ATP2B2: variants seen among roughly 807,000 people sequenced by gnomAD.
ATP2B2 encodes plasma membrane calcium-transporting ATPase 2.
ATP2B2 carries 15 observed loss-of-function variants against 120.0 expected under a neutral mutation model. The observed-to-expected ratio is 0.12, with a 90% confidence interval of 0.08 to 0.19. ATP2B2 has a LOEUF of 0.19. Among genes scored for constraint, ATP2B2 ranks in the 10% least tolerant of loss-of-function variants. ATP2B2 has a pLI of 1.00. For synonymous variants in ATP2B2, 694 were observed against 700.3 expected (o/e 0.99, Z 0.14); for missense variants, 1,045 against 1,719.8 (o/e 0.61, Z 6.94).
In ATP2B2 at chr3:10,346,079, C is replaced by T; in HGVS notation, c.2463G>A (p.Gly821=). The part of the protein sequence containing the change: ...QRQVVAVTGD[G]TNDGPALKKA... ...TCTTGAGTGCAGGCCCGTCGTTGGTCCCGTCCCCCGTCACGGCCACCACCT... is the reference window on the plus strand; with the variant it reads ...TCTTGAGTGCAGGCCCGTCGTTGGTTCCGTCCCCCGTCACGGCCACCACCT... The change falls in exon 17 of 23, where the codon GGG becomes GGA. Residue 821 remains glycine (G), a synonymous_variant. Transcript: ENST00000360273. The surrounding 1 kb of genome is among the most constrained non-coding windows in gnomAD (Gnocchi z 4.1). 1 of 1,612,326 alleles carries T rather than the reference C, an allele frequency of 6.2e-7. No homozygotes were observed.
intron 2 of ATP2B2, among the ~76,000 whole-genome samples, chr3:10,589,821 C>A (rs1216017363): frequency 6.6e-6 from 1 of 152,220 alleles, no homozygotes; most frequent in African/African-American, 2.4e-5. Flanking sequence ...GAGCTCTCAT[C>A]TGCTGCTGGT....
intron 5 of ATP2B2, among the ~76,000 whole-genome samples, chr3:10,398,585 C>T (rs982395269): frequency 6.6e-6 from 1 of 152,252 alleles, no homozygotes; most frequent in African/African-American, 2.4e-5. Context: ...TGTCTGTCCC[C>T]AGTCCCCTTG....
chr3:10,340,221 T>C lies in ATP2B2; in HGVS notation c.3237+21A>G, dbSNP rs943885154. The C allele has an allele frequency of 1.9e-6, 3 of 1,612,030 alleles. No homozygotes were observed. The African/African-American group carries it at 4.0e-5, about 22-fold the overall frequency. ...CCTTGCCCTGCTAACAGGCACCTCC[T>C]GCGACCTACCAGGAACTTACCTGGC... On this transcript the variant is annotated intron_variant, in intron 21 of 22. Transcript: ENST00000360273. This position sits in a 1 kb window ranked among gnomAD's most constrained non-coding sequence, Gnocchi z 5.0.
intron 1 of ATP2B2, among the ~76,000 whole-genome samples, chr3:10,671,578 T>C (rs2071098089): frequency 6.6e-6 from 1 of 152,126 alleles, no homozygotes; most frequent in South Asian, 2.1e-4. Context: ...TTATGGAAAG[T>C]CCCCAGGTGA....
At chr3:10,550,304 A>C (rs1465300213) in intron 2 of ATP2B2, among the ~76,000 whole-genome samples, 1 of 152,234 alleles carries the variant, frequency 6.6e-6, no homozygotes, top group Non-Finnish European at 1.5e-5. Context: ...TTTCCTGAAG[A>C]TCAGGACCAT....
chr3:10,649,447 C>T (rs146067977), intron 1 of ATP2B2, among the ~76,000 whole-genome samples: 36 of 152,346 alleles, frequency 2.4e-4, no homozygotes, highest in Middle Eastern at 3.4e-3. Flanking sequence ...TTATGTCATC[C>T]TTCTGCCAAT....
chr3:10,449,774 G>T lies in ATP2B2; in HGVS notation c.-231C>A, dbSNP rs2063969129. The T allele has an allele frequency of 3.3e-6, 2 of 601,950 alleles. No individual in the cohort carries two copies. The highest frequency in any genetic ancestry group is 3.7e-5 in the African/African-American group (2 of 54,332). 37.3% of individuals were successfully genotyped at this position (601,950 alleles called of 1,614,324 possible). ...GGGACGAGGTCCAGGGGCCGGAGGGGCTCAGGGCTGTAGACCCAGGAGTCT... is the reference window on the plus strand; with the variant it reads ...GGGACGAGGTCCAGGGGCCGGAGGGTCTCAGGGCTGTAGACCCAGGAGTCT... On this transcript the variant is annotated 5_prime_UTR_variant, in exon 2 of 23. Transcript: ENST00000360273.
At chr3:10,516,962 A>ATGTGTGTGTGTG (rs112098821) in intron 3 of ATP2B2, among the ~76,000 whole-genome samples, 18 of 149,818 alleles carry the variant, frequency 1.2e-4, no homozygotes, top group African/African-American at 3.2e-4. Context: ...CAATTTTCAG[A>ATGTGTGTGTGTG]TGTGTGTGTG....
chr3:10,399,191 CTCTG>C (rs2062140948), intron 5 of ATP2B2, among the ~76,000 whole-genome samples: 1 of 152,344 alleles, frequency 6.6e-6, no homozygotes, highest in African/African-American at 2.4e-5. Context: ...CCCAAGGATG[CTCTG>C]TCTGTCAACC....
chr3:10,606,928 GAGAGAGAGAGGGAGAGGGAGAGGGGGA>G (rs1271864518), intron 2 of ATP2B2, among the ~76,000 whole-genome samples: 1,083 of 71,494 alleles, frequency 0.015, 12 homozygotes, highest in Middle Eastern at 0.072. Context: ...GAGAGAGAGA[GAGAGAGAGAGGGAGAGGGAGAGGGGGA>G]GGGGGGGAGA....
At chr3:10,483,147 G>A (rs372923103) in intron 1 of ATP2B2, among the ~76,000 whole-genome samples, 32 of 152,266 alleles carry the variant, frequency 2.1e-4, no homozygotes, top group Admixed American at 1.8e-3. Context: ...GGGTAATGTC[G>A]GGGCCGACAA....
rs765738283 is a variant in ATP2B2, at chr3:10,378,323, C to T, written c.1130G>A (p.Ser377Asn). ...CACGGACTTCTCCTTCTTGTGCATG[C>T]TGGCCTTCTTCCTGTCGTCAGCGTC... Reference protein sequence around the residue: ...GGDADDRKKASMHKKEKSVLQ... With the variant: ...GGDADDRKKANMHKKEKSVLQ... Residue 377 changes from serine to asparagine, a missense_variant, in exon 10 of 23, where the codon AGC becomes AAC. Around this residue, in one of 11 missense-constraint regions of ATP2B2, gnomAD observed 145 missense variants for 202.0 expected, o/e 0.72. Transcript: ENST00000360273. The T allele has an allele frequency of 6.2e-7, 1 of 1,609,656 alleles. No homozygotes were observed. The highest frequency in any genetic ancestry group is 1.7e-5 in the Admixed American group (1 of 60,038).
At chr3:10,474,280 G>A (rs926903385) in intron 1 of ATP2B2, among the ~76,000 whole-genome samples, 1 of 152,168 alleles carries the variant, frequency 6.6e-6, no homozygotes, top group Non-Finnish European at 1.5e-5. Flanking sequence ...GAAGAATCCT[G>A]TTTTGGACTT....
At chr3:10,492,206 C>T (rs1173742639) in intron 1 of ATP2B2, among the ~76,000 whole-genome samples, 1 of 151,766 alleles carries the variant, frequency 6.6e-6, no homozygotes, top group African/African-American at 2.4e-5. Flanking sequence ...TTGCTGGCTT[C>T]TCCGGGGTGC....
chr3:10,394,894 C>A (rs576302999), intron 5 of ATP2B2, among the ~76,000 whole-genome samples: 86 of 152,198 alleles, frequency 5.7e-4, no homozygotes, highest in African/African-American at 2.0e-3. Context: ...CTTCCACTGC[C>A]ACATTGATGG....
At chr3:10,673,248 C>T (rs2071158362) in intron 1 of ATP2B2, among the ~76,000 whole-genome samples, 1 of 152,180 alleles carries the variant, frequency 6.6e-6, no homozygotes, top group Non-Finnish European at 1.5e-5. Flanking sequence ...GAGCTGGAAC[C>T]TGACATCCAA....
At chr3:10,334,247 G>A (rs2125338985) in intron 22 of ATP2B2, among the ~76,000 whole-genome samples, 1 of 152,328 alleles carries the variant, frequency 6.6e-6, no homozygotes, top group Non-Finnish European at 1.5e-5. Flanking sequence ...ACAAAGAACT[G>A]GGCCTTCACC....
At chr3:10,626,451 C>T (rs1021051528) in intron 1 of ATP2B2, 2 of 152,196 alleles carry the variant, frequency 1.3e-5, no homozygotes, top group African/African-American at 4.8e-5. Flanking sequence ...CTCTACCCCA[C>T]AGAGCCAGTC....
At position 10,457,943 on chromosome 3, in the gene ATP2B2, A is replaced by G. The variant is rs548652997; in HGVS notation, c.-319-8081T>C. ...CTCACCCTCACGCCTGGCCTGAGGA[A>G]GGGGAGGTCCAGCCCTTACCTTCCT... is the stretch of plus-strand genomic sequence containing the variant. On this transcript the variant is annotated intron_variant, in intron 1 of 22. Transcript: ENST00000360273. Among the ~76,000 whole-genome samples, 46 of 152,264 alleles carry G rather than the reference A, an allele frequency of 3.0e-4. 1 individual carries two copies. Among genetic ancestry groups the G allele is most frequent in the Non-Finnish European group, 3.2e-4 (22 of 68,000 alleles).
Sources: allele counts gnomAD v4.1 joint callset (sites outside exome capture counted in the v4.1 genomes callset), GRCh38; gene constraint gnomAD v4.1.1; regional missense constraint gnomAD v4.1.1; non-coding constraint Gnocchi (gnomAD v3.1); transcripts MANE v1.5; gene names NCBI Gene and HGNC (gene_info 2026-07-23, HGNC 2026-07-21).